The following GRIP1 variants were observed in gnomAD, a reference collection of about 807,000 sequenced individuals.
GRIP1 encodes glutamate receptor interacting protein 1.
A neutral mutation model predicts 129.9 loss-of-function variants in GRIP1; 45 were observed. That is an observed-to-expected ratio of 0.35 (90% CI 0.27 to 0.44). The LOEUF (loss-of-function observed/expected upper bound fraction) is 0.44. Ranked by LOEUF, GRIP1 falls within the 20% of genes least tolerant of loss-of-function variation. The pLI is 1.00. For synonymous variants in GRIP1, 530 were observed against 520.8 expected, an observed-to-expected ratio of 1.02 and a Z score of -0.24; for missense variants, 1,196 against 1,396.8, an observed-to-expected ratio of 0.86 and a Z score of 2.29.
Position 66,430,660 on chromosome 12 carries a change from G to A in GRIP1, c.1768+1888C>T, listed in dbSNP as rs951075960. ...TTTTTAATAAGAAATACACCATAGG[G>A]TATTTTTAGATGGATACTTTCTGAC... On this transcript the variant is annotated intron_variant, in intron 14 of 24. Transcript: ENST00000359742. 4.6e-5 allele frequency among the ~76,000 whole-genome samples: 7 copies of A among 152,142 alleles called. No homozygotes were observed. The East Asian group carries it at 9.7e-4, about 21-fold the overall frequency.
intron 1 of GRIP1, among the ~76,000 whole-genome samples, chr12:66,932,542 T>C (rs2041414657): frequency 6.6e-6 from 1 of 151,756 alleles, no homozygotes; most frequent in Non-Finnish European, 1.5e-5. Context: ...GGTCACTTAA[T>C]TGGACATCAA....
chr12:66,428,868 A>C (rs2058063185), intron 14 of GRIP1, among the ~76,000 whole-genome samples: 1 of 152,254 alleles, frequency 6.6e-6, no homozygotes, highest in African/African-American at 2.4e-5. Flanking sequence ...AGAGACAATC[A>C]GGATTCGCTG....
At chr12:66,959,983 T>C (rs575595891) in intron 1 of GRIP1, among the ~76,000 whole-genome samples, 1 of 152,020 alleles carries the variant, frequency 6.6e-6, no homozygotes, top group South Asian at 2.1e-4. Flanking sequence ...CGGAGGGTGA[T>C]TGGGAGGAGG....
intron 2 of GRIP1, among the ~76,000 whole-genome samples, chr12:66,594,923 T>A (rs753065667): frequency 4.7e-4 from 71 of 152,240 alleles, no homozygotes; most frequent in Non-Finnish European, 7.5e-4. Context: ...CAGAACTCCA[T>A]GAGTCATTAG....
intron 1 of GRIP1, among the ~76,000 whole-genome samples, chr12:66,651,063 C>A (rs2032759253): frequency 1.3e-5 from 2 of 152,112 alleles, no homozygotes; most frequent in Admixed American, 1.3e-4. Context: ...ATTATTATTG[C>A]CTGCTATGAC....
chr12:66,967,400 A>T (rs574835379), intron 1 of GRIP1, among the ~76,000 whole-genome samples: 1 of 152,342 alleles, frequency 6.6e-6, no homozygotes, highest in East Asian at 1.9e-4. Context: ...TTTTAGGTGA[A>T]GTTTTAAATA....
intron 1 of GRIP1, among the ~76,000 whole-genome samples, chr12:66,827,106 C>T (rs61928272): frequency 0.11 from 16,081 of 152,062 alleles, 1,076 homozygotes; most frequent in East Asian, 0.24. Flanking sequence ...AATTTAGTGG[C>T]TTACAACTAT....
At chr12:66,349,761 C>T (rs1203273995) in intron 24 of GRIP1, among the ~76,000 whole-genome samples, 13 of 151,910 alleles carry the variant, frequency 8.6e-5, no homozygotes, top group Admixed American at 5.9e-4. Context: ...ATGGGAGGAT[C>T]GCTTGATGCC....
At chr12:66,511,384 AAGC>A (rs2060694092) in intron 7 of GRIP1, among the ~76,000 whole-genome samples, 1 of 152,138 alleles carries the variant, frequency 6.6e-6, no homozygotes, top group African/African-American at 2.4e-5. Flanking sequence ...TGAGGATGTG[AAGC>A]AAAGGAAACT....
Position 66,444,689 on chromosome 12 carries a change from T to C in GRIP1, c.1582A>G (p.Asn528Asp). ...LQIGDRVMAI[N>D]GIPTEDSTFE... ...GTGCTGTCTTCTGTTGGAATTCCAT[T>C]GATGGCCATCACTCTGTCTCCAATC... Residue 528 changes from asparagine (N) to aspartate (D), a missense_variant, in exon 13 of 25, where the codon AAT becomes GAT. Physicochemically the swap from Asn to Asp is conservative, Grantham distance 23 (BLOSUM62 1). Coordinates refer to ENST00000359742, the MANE Select transcript of GRIP1 (RefSeq NM_001366722.1). The C allele has an allele frequency of 1.2e-6, 2 of 1,614,026 alleles. No individual in the cohort carries two copies. Among genetic ancestry groups the C allele is most frequent in the Non-Finnish European group, 1.7e-6 (2 of 1,179,952 alleles).
chr12:67,019,155 T>A (rs1223604891), intron 1 of GRIP1, among the ~76,000 whole-genome samples: 1 of 152,120 alleles, frequency 6.6e-6, no homozygotes, highest in Non-Finnish European at 1.5e-5. Flanking sequence ...AAAACGATCA[T>A]TCAGGCGCAA....
chr12:66,455,339 G>A lies in GRIP1; in HGVS notation c.1354+70C>T, dbSNP rs559588369. 162 of 1,363,898 alleles carry A rather than the reference G, an allele frequency of 1.2e-4. 2 individuals are homozygous for A. The South Asian group carries it at 1.6e-3, about 14-fold the overall frequency. The allele number at this position is 1,363,898 out of a possible 1,614,324, so 84.5% of individuals were successfully genotyped here. Reference sequence around the variant, plus strand: ...TGTGAAACACTCTTCCCACAATTTCGGTATTTTCAAGGCTCCATTGCCCAC... The same window carrying A: ...TGTGAAACACTCTTCCCACAATTTCAGTATTTTCAAGGCTCCATTGCCCAC... On this transcript the variant is annotated intron_variant, in intron 11 of 24. Coordinates refer to ENST00000359742, the MANE Select transcript of GRIP1 (RefSeq NM_001366722.1).
chr12:66,664,105 A>T (rs1213185869), intron 1 of GRIP1, among the ~76,000 whole-genome samples: 7 of 146,410 alleles, frequency 4.8e-5, no homozygotes, highest in Admixed American at 1.4e-4. Context: ...GGGAGATTAC[A>T]TTTTTTTTTT....
intron 13 of GRIP1, among the ~76,000 whole-genome samples, chr12:66,435,128 G>A (rs2058262739): frequency 6.6e-6 from 1 of 151,750 alleles, no homozygotes; most frequent in Non-Finnish European, 1.5e-5. Context: ...CTTGGATAAA[G>A]CACACAAATG....
chr12:66,760,752 T>G (rs1218988579), intron 1 of GRIP1, among the ~76,000 whole-genome samples: 1 of 152,094 alleles, frequency 6.6e-6, no homozygotes, highest in African/African-American at 2.4e-5. Context: ...TAAAAATGAC[T>G]GCACAATGAA....
chr12:67,063,006 A>G (rs1298502362), intron 1 of GRIP1, among the ~76,000 whole-genome samples: 1 of 152,236 alleles, frequency 6.6e-6, no homozygotes, highest in Non-Finnish European at 1.5e-5. Flanking sequence ...AGTTGCCATT[A>G]CTGAACTCCA....
intron 1 of GRIP1, among the ~76,000 whole-genome samples, chr12:66,904,434 T>G (rs941437440): frequency 3.9e-5 from 6 of 152,224 alleles, no homozygotes; most frequent in African/African-American, 1.4e-4. Flanking sequence ...TGGCTGATGG[T>G]GTTTTCAATT....
chr12:66,383,385 C>T (rs765792500), intron 19 of GRIP1, among the ~76,000 whole-genome samples: 15 of 152,056 alleles, frequency 9.9e-5, no homozygotes, highest in Non-Finnish European at 1.9e-4. Flanking sequence ...GGTAAAGGTG[C>T]AGTCAGGGTA....
intron 1 of GRIP1, among the ~76,000 whole-genome samples, chr12:66,792,482 T>C (rs955558155): frequency 2.6e-5 from 4 of 152,022 alleles, no homozygotes; most frequent in South Asian, 2.1e-4. Flanking sequence ...GGCCGAGGGG[T>C]GAGCTTGAGT....
Sources: gnomAD v4.1 joint callset for allele counts (sites outside exome capture counted in the v4.1 genomes callset) on GRCh38, gnomAD v4.1.1 for gene constraint, MANE v1.5 for transcripts, NCBI Gene and HGNC (gene_info 2026-07-23, HGNC 2026-07-21) for gene names.